ANKRD60: variants seen among roughly 807,000 people sequenced by gnomAD.
ANKRD60 encodes ankyrin repeat domain-containing protein 60.
In ANKRD60, 24 loss-of-function variants were observed where a neutral mutation model predicts 21.3. The ratio of observed to expected loss-of-function variants is 1.13; its 90% CI spans 0.82 to 1.59. ANKRD60 has a LOEUF of 1.59. Ranked by LOEUF, ANKRD60 falls within the 40% of genes most tolerant of loss-of-function variation. The probability of loss-of-function intolerance (pLI) is 0.00; values close to 1 mark genes in which losing one functional copy is unlikely to be tolerated. For missense variants in ANKRD60, 490 were observed against 466.7 expected (o/e 1.05, Z -0.46); for synonymous variants, 182 against 199.4 (o/e 0.91, Z 0.74).
In ANKRD60 at chr20:58,219,703, G is replaced by A. The variant is rs552988913; in HGVS notation, c.728-898C>T. On this transcript the variant is annotated intron_variant, in intron 3 of 3. Coordinates refer to ENST00000457363, the Ensembl canonical transcript of ANKRD60. ...TCAGTAGCCAGTTTTTATGAGCTCCGGCTGGTTGGTGAGGTAAAGTTTTAA... is the reference window on the plus strand; with the variant it reads ...TCAGTAGCCAGTTTTTATGAGCTCCAGCTGGTTGGTGAGGTAAAGTTTTAA... Among the ~76,000 whole-genome samples, 87 of 152,186 alleles carry A rather than the reference G, an allele frequency of 5.7e-4. 1 individual carries two copies. The highest frequency in any genetic ancestry group is 3.2e-4 in the Non-Finnish European group (22 of 68,012).
chr20:58,218,861 G>T (rs1230391828), intron 3 of ANKRD60, 56 bp from the exon 4 acceptor site: 4 of 1,471,098 alleles, frequency 2.7e-6, no homozygotes, highest in Non-Finnish European at 2.7e-6. Context: ...AACACAGGAG[G>T]GGTCCAGGGC....
At chr20:58,225,551 C>T (rs868023883) in intron 1 of ANKRD60, among the ~76,000 whole-genome samples, 3 of 152,110 alleles carry the variant, frequency 2.0e-5, no homozygotes, top group Non-Finnish European at 4.4e-5. Context: ...GAGTTTCCTG[C>T]GTCATTTCTG....
At position 58,218,812 on chromosome 20, in the gene ANKRD60, A is replaced by G. The variant is rs574798470; in HGVS notation, c.728-7T>C. 2 of 1,526,162 alleles carry G rather than the reference A, an allele frequency of 1.3e-6. No individual in the cohort carries two copies. Among genetic ancestry groups the G allele is most frequent in the African/African-American group, 1.4e-5 (1 of 72,760 alleles). The allele number at this position is 1,526,162 out of a possible 1,614,324, so 94.5% of individuals were successfully genotyped here. A position where few individuals can be genotyped will look rare whatever the true frequency, so the allele number is the denominator to read the frequency against. ...CTGCTGAGGCAGCTGGCTCCTGTAAAATAAGAACATTGGCCAGAAGGAAGA... is the reference window on the plus strand; with the variant it reads ...CTGCTGAGGCAGCTGGCTCCTGTAAGATAAGAACATTGGCCAGAAGGAAGA... On this transcript the variant is annotated splice_polypyrimidine_tract_variant and splice_region_variant and intron_variant, in intron 3 of 3. Transcript: ENST00000457363.
chr20:58,228,589 GCCGCCCGCGCT>G lies in ANKRD60; in HGVS notation c.54_64del (p.Ala19GlyfsTer57), dbSNP rs1350047932. ...GCGAGAGGCGCCCCCAGTTGGCCCC[GCCGCCCGCGCT>G]CCGCCCGCCCCCGCCGCCGCCCGCC... On this transcript the variant is annotated frameshift_variant, in exon 1 of 4. Transcript: ENST00000457363. LOFTEE classifies it high-confidence loss of function. This position sits in a 1 kb window ranked among gnomAD's most constrained non-coding sequence, Gnocchi z 5.3. The G allele has an allele frequency of 1.4e-5, 16 of 1,132,948 alleles. No homozygotes were observed. Among genetic ancestry groups the G allele is most frequent in the Non-Finnish European group, 6.5e-6 (6 of 924,220 alleles). The allele number at this position is 1,132,948 out of a possible 1,614,324, so 70.2% of individuals were successfully genotyped here. A position where few individuals can be genotyped will look rare whatever the true frequency, so the allele number is the denominator to read the frequency against.
At chr20:58,217,885 A>G (rs561212627), downstream of ANKRD60, among the ~76,000 whole-genome samples, 1 of 152,290 alleles carries the variant, frequency 6.6e-6, no homozygotes, top group African/African-American at 2.4e-5. Flanking sequence ...TCTAGCACCA[A>G]CGTGTTACCT....
At chr20:58,219,806 A>C (rs1329452854) in intron 3 of ANKRD60, among the ~76,000 whole-genome samples, 1 of 152,240 alleles carries the variant, frequency 6.6e-6, no homozygotes, top group Non-Finnish European at 1.5e-5. Context: ...AACTTTGCAA[A>C]GCTGGCTGTA....
chr20:58,223,799 C>A (rs1324625957), intron 1 of ANKRD60, among the ~76,000 whole-genome samples: 1 of 152,106 alleles, frequency 6.6e-6, no homozygotes, highest in African/African-American at 2.4e-5. Context: ...TTCACCAAAT[C>A]AAGACAATCA....
chr20:58,223,126 T>G (rs1227849787), exon 2 of ANKRD60: 1 of 1,551,662 alleles, frequency 6.4e-7, no homozygotes, highest in Admixed American at 2.0e-5. Context: ...CATAATGAAA[T>G]AATCCCTCCA....
intron 3 of ANKRD60, among the ~76,000 whole-genome samples, chr20:58,219,814 G>A (rs1389497819): frequency 1.3e-5 from 2 of 152,192 alleles, no homozygotes; most frequent in Non-Finnish European, 2.9e-5. Context: ...AAAGCTGGCT[G>A]TAATTTTTTA....
chr20:58,218,692 C>T (rs534428393), exon 4 of ANKRD60: 28 of 1,551,614 alleles, frequency 1.8e-5, no homozygotes, highest in Non-Finnish European at 2.4e-5. Context: ...GCATCTCTGT[C>T]GTGGATGGAG....
At chr20:58,223,831 C>T (rs1046204971) in intron 1 of ANKRD60, among the ~76,000 whole-genome samples, 3 of 152,218 alleles carry the variant, frequency 2.0e-5, no homozygotes, top group African/African-American at 7.2e-5. Flanking sequence ...AGGCCCAGCA[C>T]AGTGGCTCAC....
chr20:58,220,734 G>C (rs2122803778), intron 3 of ANKRD60, among the ~76,000 whole-genome samples: 1 of 148,778 alleles, frequency 6.7e-6, no homozygotes, highest in South Asian at 2.1e-4. Context: ...GTGTGTTGTA[G>C]TCTCCTATCT....
Position 58,222,144 on chromosome 20 carries a change from C to A in ANKRD60, c.562-641G>T, listed in dbSNP as rs527663511. ...ACAGCCTCAAACAGCAGGGAGGTGA[C>A]CCCTGCAGCCAGAGTAAGAGCCAGA... On this transcript the variant is annotated intron_variant, in intron 2 of 3. Transcript: ENST00000457363. Among the ~76,000 whole-genome samples, 5 of 152,278 alleles carry A rather than the reference C, an allele frequency of 3.3e-5. No homozygotes were observed. The South Asian group carries it at 1.0e-3, about 32-fold the overall frequency.
chr20:58,227,918 T>C (rs1424925051), intron 1 of ANKRD60, among the ~76,000 whole-genome samples: 1 of 152,150 alleles, frequency 6.6e-6, no homozygotes, highest in Non-Finnish European at 1.5e-5. Flanking sequence ...GGACAGGATT[T>C]GCTCAGGGTT....
intron 2 of ANKRD60, 22 bp downstream of exon 2, chr20:58,223,027 TCCA>T: frequency 6.5e-7 from 1 of 1,540,078 alleles, no homozygotes; most frequent in Admixed American, 2.1e-5. Context: ...ACGTATAATA[TCCA>T]TTTAAAGAAG....
At chr20:58,220,649 T>C (rs951145648) in intron 3 of ANKRD60, among the ~76,000 whole-genome samples, 3 of 151,912 alleles carry the variant, frequency 2.0e-5, no homozygotes, top group Admixed American at 6.6e-5. Context: ...AGAGCTGTGC[T>C]GGCTGGAAGG....
chr20:58,228,175 A>G lies in ANKRD60; in HGVS notation c.430+49T>C, dbSNP rs1984402894. On this transcript the variant is annotated intron_variant, in intron 1 of 3. Coordinates refer to ENST00000457363, the Ensembl canonical transcript of ANKRD60. The surrounding 1 kb of genome is among the most constrained non-coding windows in gnomAD (Gnocchi z 5.3). ...CTTTGGGAATCCACTTCAGAAGTGG[A>G]CAGGGTGCCCTTGCATGTGGCCAGG... 6.7e-7 allele frequency: 1 copy of G among 1,484,756 alleles called. No individual in the cohort carries two copies. Among genetic ancestry groups the G allele is most frequent in the African/African-American group, 1.4e-5 (1 of 71,522 alleles). The allele number at this position is 1,484,756 out of a possible 1,614,324, so 92.0% of individuals were successfully genotyped here.
At chr20:58,227,911 C>T (rs577829444) in intron 1 of ANKRD60, among the ~76,000 whole-genome samples, 2 of 152,186 alleles carry the variant, frequency 1.3e-5, no homozygotes, top group South Asian at 4.2e-4. Flanking sequence ...CTGGCTTGGA[C>T]AGGATTTGCT....
At chr20:58,218,898 T>A in intron 3 of ANKRD60, 93 bp from the exon 4 acceptor site, 1 of 1,235,604 alleles carries the variant, frequency 8.1e-7, no homozygotes, top group South Asian at 1.6e-5. Flanking sequence ...CTCAGGGAGG[T>A]CCTGCTGCCT....
Sources: gnomAD v4.1 joint callset for allele counts (sites outside exome capture counted in the v4.1 genomes callset) on GRCh38, gnomAD v4.1.1 for gene constraint, Gnocchi (gnomAD v3.1) non-coding constraint, MANE v1.5 for transcripts, NCBI Gene and HGNC (gene_info 2026-07-23, HGNC 2026-07-21) for gene names.